Variants in MCM4 observed in about 807,000 individuals in gnomAD.
The protein encoded by MCM4 is DNA replication licensing factor MCM4.
A neutral mutation model predicts 88.7 loss-of-function variants in MCM4; 60 were observed. The observed-to-expected ratio is 0.68, with a 90% CI of 0.55 to 0.84. The LOEUF is 0.84. Among genes scored for constraint, MCM4 ranks in the 40% least tolerant of loss-of-function variants. The pLI, the probability that MCM4 is intolerant of heterozygous loss-of-function variation, is 0.00. For synonymous variants in MCM4, 465 were observed against 410.5 expected (o/e 1.13, Z -1.61); for missense variants, 1,149 against 1,105.5 (o/e 1.04, Z -0.56).
At chr8:47,962,693 CTT>C in intron 5 of MCM4, 69 bp from the exon 6 acceptor site, 1 of 838,524 alleles carries the variant, frequency 1.2e-6, no homozygotes, top group Non-Finnish European at 2.0e-6. Context: ...ATACTCATAA[CTT>C]TGTGTGTTTT....
intron 10 of MCM4, 78 bp from the exon 11 acceptor site, chr8:47,969,720 T>C (rs1012405366): frequency 2.8e-5 from 42 of 1,481,800 alleles, no homozygotes; most frequent in Non-Finnish European, 3.5e-5. Flanking sequence ...GAAGTGCACC[T>C]GTTGCCTACG....
At chr8:47,971,665 C>T (rs1174920637) in intron 13 of MCM4, among the ~76,000 whole-genome samples, 197 bp downstream of exon 13, 1 of 151,996 alleles carries the variant, frequency 6.6e-6, no homozygotes. Flanking sequence ...GGATGTTTAC[C>T]TCCCACGCCG....
intron 10 of MCM4, among the ~76,000 whole-genome samples, chr8:47,968,298 G>GT (rs2090919197): frequency 6.6e-6 from 1 of 152,196 alleles, no homozygotes; most frequent in South Asian, 2.1e-4. Flanking sequence ...TGCTCACCCT[G>GT]TTTCTTCCCC....
intron 14 of MCM4, 44 bp from the exon 15 acceptor site, chr8:47,974,690 A>G: frequency 1.3e-6 from 2 of 1,508,212 alleles, no homozygotes; most frequent in Non-Finnish European, 1.8e-6. Flanking sequence ...TAAAGTTGTC[A>G]CCAAGGAGGT....
intron 7 of MCM4, 126 bp from the exon 8 acceptor site, chr8:47,964,448 A>T (rs2090878667): frequency 3.1e-6 from 2 of 635,066 alleles, no homozygotes; most frequent in African/African-American, 3.7e-5. Context: ...CACGTGCATG[A>T]TTCTGTAGGG....
In MCM4 at chr8:47,961,118, C is replaced by T. The variant is rs1183275748; in HGVS notation, c.-14-13C>T. 21 of 1,545,248 alleles carry T rather than the reference C, an allele frequency of 1.4e-5. No individual in the cohort carries two copies. The Admixed American group carries it at 3.5e-4, about 26-fold the overall frequency. ...GGAGGCGGGCCCGGCCCGAGCTTGT[C>T]CTTGTCGCGCAGGTACTCCGAGCAC... On this transcript the variant is annotated splice_polypyrimidine_tract_variant and intron_variant, in intron 1 of 16. Transcript: ENST00000649973.
rs946153278 is a variant in MCM4 at position 47,966,408 on chromosome 8, G to T, written c.1053+1G>T. The T allele has an allele frequency of 1.9e-6, 3 of 1,604,668 alleles. No homozygotes were observed. The highest frequency in any genetic ancestry group is 8.5e-7 in the Non-Finnish European group (1 of 1,174,308). On this transcript the variant is annotated splice_donor_variant, in intron 9 of 16. Coordinates refer to ENST00000649973, the MANE Select transcript of MCM4 (RefSeq NM_182746.3). LOFTEE classifies it high-confidence loss of function. ...CTCCCTCTTCTCTGACAAGCAGATG[G>T]TGCGCAGCCACCCTGGCCCCCCAGG... is the stretch of plus-strand genomic sequence containing the variant.
intron 13 of MCM4, among the ~76,000 whole-genome samples, 173 bp from the exon 14 acceptor site, chr8:47,972,684 G>A (rs951694728): frequency 1.3e-5 from 2 of 151,892 alleles, no homozygotes; most frequent in African/African-American, 4.8e-5. Context: ...AGCCTCCCAA[G>A]TAGCTGGGAT....
chr8:47,972,691 G>A (rs1435036416), intron 13 of MCM4, among the ~76,000 whole-genome samples, 166 bp from the exon 14 acceptor site: 1 of 151,964 alleles, frequency 6.6e-6, no homozygotes, highest in African/African-American at 2.4e-5. Context: ...CAAGTAGCTG[G>A]GATTACAGGC....
At chr8:47,966,996 C>T (rs1205458456) in intron 9 of MCM4, among the ~76,000 whole-genome samples, 1 of 152,220 alleles carries the variant, frequency 6.6e-6, no homozygotes, top group Non-Finnish European at 1.5e-5. Flanking sequence ...CCCTGCTCCG[C>T]AGGAGCACAT....
intron 14 of MCM4, chr8:47,974,007 T>C (rs763158402): frequency 2.0e-5 from 3 of 152,236 alleles, no homozygotes; most frequent in Non-Finnish European, 2.9e-5. Context: ...ATCCAGTTTC[T>C]GTAAGCTTCC....
chr8:47,968,066 C>T lies in MCM4; in HGVS notation c.1174+581C>T, dbSNP rs532827940. On this transcript the variant is annotated intron_variant, in intron 10 of 16. Coordinates refer to ENST00000649973, the MANE Select transcript of MCM4 (RefSeq NM_182746.3). ...CCAGGACCCAGGTCTCCTTCTCTTG[C>T]TGCCACAAGAGTGCTCTTTGCACAG... is the stretch of plus-strand genomic sequence containing the variant. Among the ~76,000 whole-genome samples the T allele has an allele frequency of 2.0e-5, 3 of 152,332 alleles. No individual in the cohort carries two copies. The South Asian group carries it at 6.2e-4, about 32-fold the overall frequency.
At chr8:47,976,338 T>C (rs1408542628) in intron 16 of MCM4, among the ~76,000 whole-genome samples, 1 of 152,038 alleles carries the variant, frequency 6.6e-6, no homozygotes, top group Non-Finnish European at 1.5e-5. Flanking sequence ...TTCATAGTTG[T>C]TATAAGTTTG....
At chr8:47,970,937 CA>C (rs1474970207) in intron 12 of MCM4, 61 bp downstream of exon 12, 11 of 1,520,848 alleles carry the variant, frequency 7.2e-6, no homozygotes, top group Non-Finnish European at 9.7e-6. Flanking sequence ...CCTTGAAAGA[CA>C]GGGTCTGTGG....
At chr8:47,967,306 G>A in intron 9 of MCM4, 59 bp from the exon 10 acceptor site, 2 of 1,604,928 alleles carry the variant, frequency 1.2e-6, no homozygotes, top group South Asian at 2.2e-5. Flanking sequence ...AAGACATGCA[G>A]ATTTTGTCCC....
At chr8:47,962,243 C>G in intron 4 of MCM4, 27 bp downstream of exon 4, 1 of 1,614,106 alleles carries the variant, frequency 6.2e-7, no homozygotes, top group South Asian at 1.1e-5. Flanking sequence ...CTGAAACCAT[C>G]TTATGGCGGG....
chr8:47,976,651 G>A lies in MCM4; in HGVS notation c.2500-35G>A, dbSNP rs183032045. 1.7e-4 allele frequency: 242 copies of A among 1,439,046 alleles called. 1 individual carries two copies. In the African/African-American group the frequency reaches 2.5e-3, roughly 15 times the overall value. The allele number at this position is 1,439,046 out of a possible 1,614,324, so 89.1% of individuals were successfully genotyped here. A position where few individuals can be genotyped will look rare whatever the true frequency, so the allele number is the denominator to read the frequency against. The stretch of plus-strand genomic sequence containing the variant: ...CTAACAGGTAAAGGAGGGACTTGAC[G>A]TGTACAATATTTATTTTCTTTCTCT... On this transcript the variant is annotated intron_variant, in intron 16 of 16. Coordinates refer to ENST00000649973, the MANE Select transcript of MCM4 (RefSeq NM_182746.3).
In MCM4 at chr8:47,962,871, C is replaced by A; in HGVS notation, c.597+12C>A. ...AACGACTTGGGGAGGTAATCAAATA[C>A]TCTTTAAATTCAAGTTACGTGTTTT... On this transcript the variant is annotated intron_variant, in intron 6 of 16. Transcript: ENST00000649973. 1.9e-6 allele frequency: 3 copies of A among 1,584,882 alleles called. No homozygotes were observed. The highest frequency in any genetic ancestry group is 2.6e-6 in the Non-Finnish European group (3 of 1,163,944).
intron 10 of MCM4, among the ~76,000 whole-genome samples, chr8:47,967,747 C>T (rs1423608864): frequency 1.3e-5 from 2 of 152,166 alleles, no homozygotes; most frequent in Non-Finnish European, 2.9e-5. Context: ...CTCTTGATAC[C>T]TCAGTATCCT....
Sources: gnomAD v4.1 joint callset for allele counts (sites outside exome capture counted in the v4.1 genomes callset) on GRCh38, gnomAD v4.1.1 for gene constraint, MANE v1.5 for transcripts, NCBI Gene and HGNC (gene_info 2026-07-23, HGNC 2026-07-21) for gene names.